Variants in PICALM observed in about 807,000 individuals in gnomAD.
PICALM encodes the protein phosphatidylinositol binding clathrin assembly protein.
PICALM carries 40 observed loss-of-function variants against 80.5 expected under a neutral mutation model. The ratio of observed to expected loss-of-function variants is 0.50; its 90% CI spans 0.39 to 0.65. The LOEUF (loss-of-function observed/expected upper bound fraction) is 0.65. PICALM is among the 30% of genes least tolerant of loss of function. PICALM has a pLI of 0.00. For synonymous variants in PICALM, 288 were observed against 260.3 expected (o/e 1.11, Z -1.02); for missense variants, 676 against 778.9 (o/e 0.87, Z 1.57).
At chr11:86,048,409 T>A (rs1261626289) in intron 1 of PICALM, among the ~76,000 whole-genome samples, 1 of 152,050 alleles carries the variant, frequency 6.6e-6, no homozygotes, top group Non-Finnish European at 1.5e-5. Context: ...TGAACAAAAA[T>A]AAATGAGGGT....
chr11:85,972,314 G>T (rs979847585), intron 19 of PICALM, among the ~76,000 whole-genome samples: 1 of 152,102 alleles, frequency 6.6e-6, no homozygotes, highest in Non-Finnish European at 1.5e-5. Context: ...AAAGAAGATG[G>T]TGCTACCGTA....
chr11:86,007,586 G>A lies in PICALM; in HGVS notation c.766-3C>T, dbSNP rs376810960. 4.1e-6 allele frequency: 6 copies of A among 1,466,418 alleles called. No individual in the cohort carries two copies. In the African/African-American group the frequency reaches 4.3e-5, roughly 10 times the overall value. The allele number at this position is 1,466,418 out of a possible 1,614,324, so 90.8% of individuals were successfully genotyped here. A position where few individuals can be genotyped will look rare whatever the true frequency, so the allele number is the denominator to read the frequency against. On this transcript the variant is annotated splice_polypyrimidine_tract_variant and splice_region_variant and intron_variant, in intron 7 of 19. Coordinates refer to ENST00000393346, the MANE Select transcript of PICALM (RefSeq NM_007166.4). The stretch of plus-strand genomic sequence containing the variant: ...TCACCTCTGTCAATTCCAACTTGCT[G>A]TAAGAAAAGCATTGTATTTAATAAA...
intron 16 of PICALM, 81 bp downstream of exon 16, chr11:85,981,664 G>A: frequency 1.9e-6 from 2 of 1,074,296 alleles, no homozygotes; most frequent in Non-Finnish European, 2.8e-6. Flanking sequence ...TGAGAGGAAA[G>A]CCAAATCAAC....
At chr11:86,033,954 G>A (rs1202051654) in intron 1 of PICALM, among the ~76,000 whole-genome samples, 1 of 152,008 alleles carries the variant, frequency 6.6e-6, no homozygotes, top group African/African-American at 2.4e-5. Context: ...AAACAAAGCC[G>A]AGCCCAATAC....
chr11:86,007,989 A>C (rs374638056), intron 7 of PICALM, among the ~76,000 whole-genome samples: 19 of 152,310 alleles, frequency 1.2e-4, no homozygotes, highest in African/African-American at 3.4e-4. Context: ...ACAAACCTGA[A>C]GACATCGACT....
At chr11:86,041,337 T>A (rs1032060300) in intron 1 of PICALM, among the ~76,000 whole-genome samples, 2 of 152,186 alleles carry the variant, frequency 1.3e-5, no homozygotes, top group Admixed American at 1.3e-4. Context: ...GAGAGCAGCA[T>A]AATTGCTTTT....
At position 86,022,488 on chromosome 11, in the gene PICALM, A is replaced by G; in HGVS notation, c.350-19T>C. On this transcript the variant is annotated intron_variant, in intron 3 of 19. Coordinates refer to ENST00000393346, the MANE Select transcript of PICALM (RefSeq NM_007166.4). ...TCATATCCTGTAAAAAAACAAAAAC[A>G]AAAACAAAACAAAGAGAGAGACAAG... 7.6e-7 allele frequency: 1 copy of G among 1,316,808 alleles called. No homozygotes were observed. Among genetic ancestry groups the G allele is most frequent in the Non-Finnish European group, 1.0e-6 (1 of 968,874 alleles). 81.6% of individuals were successfully genotyped at this position (1,316,808 alleles called of 1,614,324 possible). A position where few individuals can be genotyped will look rare whatever the true frequency, so the allele number is the denominator to read the frequency against.
At chr11:86,064,651 TAA>T (rs11403335) in intron 1 of PICALM, among the ~76,000 whole-genome samples, 26 of 127,086 alleles carry the variant, frequency 2.0e-4, no homozygotes, top group Admixed American at 2.4e-4. Flanking sequence ...CACCTCATTT[TAA>T]AAAAAAAAAA....
chr11:85,995,098 T>C (rs1489362228), intron 12 of PICALM, among the ~76,000 whole-genome samples: 1 of 152,224 alleles, frequency 6.6e-6, no homozygotes, highest in African/African-American at 2.4e-5. Flanking sequence ...CTGATTGTCC[T>C]GGATATGAGT....
At chr11:86,055,901 C>G (rs926588217) in intron 1 of PICALM, among the ~76,000 whole-genome samples, 2 of 151,610 alleles carry the variant, frequency 1.3e-5, no homozygotes, top group African/African-American at 4.8e-5. Context: ...TTTGGGAGGC[C>G]GAGGCAGGTA....
At chr11:86,010,728 G>T (rs2095379547) in intron 7 of PICALM, among the ~76,000 whole-genome samples, 2 of 152,030 alleles carry the variant, frequency 1.3e-5, no homozygotes, top group African/African-American at 4.8e-5. Flanking sequence ...TCAAATATAT[G>T]GTTCATTCCA....
intron 5 of PICALM, among the ~76,000 whole-genome samples, chr11:86,014,480 T>A (rs571762175): frequency 1.8e-4 from 28 of 152,266 alleles, no homozygotes; most frequent in Middle Eastern, 3.4e-3. Context: ...TATTTAAACT[T>A]CTTCTTCTGA....
At position 85,982,423 on chromosome 11, in the gene PICALM, C is replaced by CTTT. The variant is rs59672357; in HGVS notation, c.1517-423_1517-421dup. On this transcript the variant is annotated intron_variant, in intron 14 of 19. Coordinates refer to ENST00000393346, the MANE Select transcript of PICALM (RefSeq NM_007166.4). ...ACGTTAAGAAATAAGATTTTATAGA[C>CTTT]TTTTTTTTTTTTTTTGAGACGGAGT... 2.4e-4 allele frequency among the ~76,000 whole-genome samples: 17 copies of CTTT among 70,172 alleles called. 4 individuals are homozygous for CTTT. The highest frequency in any genetic ancestry group is 3.9e-4 in the African/African-American group (6 of 15,470). 46.0% of individuals were successfully genotyped at this position (70,172 alleles called of 152,430 possible). A position where few individuals can be genotyped will look rare whatever the true frequency, so the allele number is the denominator to read the frequency against.
rs1364670194 is a variant in PICALM, at chr11:86,057,987, T to G, written c.130+10664A>C. Reference sequence around the variant, plus strand: ...AAATCTCTTTATCTTAGCTTTGGATTAGTTAAATGCTAATGTTTCAAATTA... The same window carrying G: ...AAATCTCTTTATCTTAGCTTTGGATGAGTTAAATGCTAATGTTTCAAATTA... On this transcript the variant is annotated intron_variant, in intron 1 of 19. Transcript: ENST00000393346. Among the ~76,000 whole-genome samples, 7 of 152,206 alleles carry G rather than the reference T, an allele frequency of 4.6e-5. No individual in the cohort carries two copies. The East Asian group carries it at 1.3e-3, about 29-fold the overall frequency.
intron 2 of PICALM, among the ~76,000 whole-genome samples, chr11:86,030,032 T>C (rs1565475030): frequency 6.6e-6 from 1 of 152,124 alleles, no homozygotes. Context: ...GGTATAACGA[T>C]GAATCAGAAA....
intron 1 of PICALM, among the ~76,000 whole-genome samples, chr11:86,062,898 G>C (rs1309199961): frequency 6.6e-6 from 1 of 152,188 alleles, no homozygotes; most frequent in Non-Finnish European, 1.5e-5. Context: ...TGCCACTTTA[G>C]CTACCAAAAG....
chr11:86,014,133 C>G (rs1397409731), intron 5 of PICALM, among the ~76,000 whole-genome samples: 1 of 152,100 alleles, frequency 6.6e-6, no homozygotes, highest in African/African-American at 2.4e-5. Context: ...GGGGGTACAA[C>G]AGAGAACAAA....
At chr11:85,959,130 G>C (rs2093601722) in intron 19 of PICALM, 70 bp from the exon 20 acceptor site, 3 of 1,117,336 alleles carry the variant, frequency 2.7e-6, no homozygotes, top group African/African-American at 3.1e-5. Context: ...AAAATGCTTT[G>C]TGGTCTTTAC....
intron 3 of PICALM, 66 bp from the exon 4 acceptor site, chr11:86,022,535 C>T: frequency 1.3e-6 from 1 of 790,578 alleles, no homozygotes. Context: ...GACTAAAAAT[C>T]CCAATATGCC....
Sources: allele counts gnomAD v4.1 joint callset (sites outside exome capture counted in the v4.1 genomes callset), GRCh38; gene constraint gnomAD v4.1.1; transcripts MANE v1.5; gene names NCBI Gene and HGNC (gene_info 2026-07-23, HGNC 2026-07-21).